Variants in MED14 observed in about 807,000 individuals in gnomAD.
The protein encoded by MED14 is mediator of RNA polymerase II transcription subunit 14.
In MED14, 8 loss-of-function variants were observed where a neutral mutation model predicts 109.0. The ratio of observed to expected loss-of-function variants is 0.07; its 90% CI spans 0.04 to 0.13. The LOEUF (loss-of-function observed/expected upper bound fraction) is 0.13. MED14 is among the 10% of genes least tolerant of loss of function. The pLI is 1.00. For synonymous variants in MED14, 399 were observed against 408.7 expected, an observed-to-expected ratio of 0.98 and a Z score of 0.29; for missense variants, 711 against 1,142.4, an observed-to-expected ratio of 0.62 and a Z score of 5.44.
intron 13 of MED14, among the ~76,000 whole-genome samples, chrX:40,694,683 T>A (rs1930662015): frequency 8.9e-6 from 1 of 111,960 alleles, no homozygotes; most frequent in Non-Finnish European, 1.9e-5. Flanking sequence ...TTAATATTTT[T>A]AAAAAATTCT....
At chrX:40,693,456 C>G (rs1412786898) in intron 13 of MED14, among the ~76,000 whole-genome samples, 1 of 111,585 alleles carries the variant, frequency 9.0e-6, no homozygotes, top group African/African-American at 3.3e-5. Flanking sequence ...CTCCCACCAT[C>G]CACGTAAGCT....
chrX:40,715,922 A>G (rs1264717008), intron 3 of MED14, among the ~76,000 whole-genome samples: 1 of 111,095 alleles, frequency 9.0e-6, no homozygotes, highest in Non-Finnish European at 1.9e-5. Context: ...ACAGAATGGG[A>G]GAAAATGTCT....
intron 3 of MED14, among the ~76,000 whole-genome samples, chrX:40,715,710 C>T (rs975576356): frequency 5.9e-5 from 6 of 102,035 alleles, no homozygotes; most frequent in Admixed American, 2.2e-4. Context: ...TGCTTGAACC[C>T]GGAAGGCGGA....
chrX:40,697,134 T>C lies in MED14; in HGVS notation c.1540A>G (p.Thr514Ala). The C allele has an allele frequency of 8.4e-7, 1 of 1,197,409 alleles. No individual in the cohort carries two copies. The highest frequency in any genetic ancestry group is 1.1e-6 in the Non-Finnish European group (1 of 882,432). The change falls in exon 13 of 31, where the codon ACG (threonine) becomes GCG (alanine). Residue 514 changes from threonine to alanine, a missense_variant. Coordinates refer to ENST00000324817, the MANE Select transcript of MED14 (RefSeq NM_004229.4). ...AGCTGCAATGTTTCACTGCTTATCG[T>C]AGGCAGATGTTTTATAGACTGCTTG... Reference protein sequence around the residue: ...RCKQSIKHLPTISSETLQLSN... With the variant: ...RCKQSIKHLPAISSETLQLSN...
intron 25 of MED14, 99 bp downstream of exon 25, chrX:40,664,208 C>T (rs1184886095): frequency 3.3e-5 from 26 of 795,947 alleles, no homozygotes; most frequent in Non-Finnish European, 4.3e-5. Flanking sequence ...AGTATCCTCT[C>T]TCAAAAAGTA....
chrX:40,726,087 T>C (rs1024472878), intron 3 of MED14, among the ~76,000 whole-genome samples: 1 of 111,896 alleles, frequency 8.9e-6, no homozygotes, highest in Non-Finnish European at 1.9e-5. Context: ...TTCTTGAACA[T>C]AGCATAAAAC....
intron 22 of MED14, among the ~76,000 whole-genome samples, chrX:40,674,947 T>G (rs1929861866): frequency 8.9e-6 from 1 of 112,644 alleles, no homozygotes; most frequent in African/African-American, 3.2e-5. Context: ...CTCTCAAAGA[T>G]CTCAGATCCT....
chrX:40,663,193 C>G, intron 25 of MED14, 33 bp from the exon 26 acceptor site: 3 of 1,008,155 alleles, frequency 3.0e-6, no homozygotes, highest in Non-Finnish European at 4.2e-6. Flanking sequence ...ATGTCATTTA[C>G]AAATACATAC....
chrX:40,726,966 AC>A (rs1931915118), intron 2 of MED14, 115 bp from the exon 3 acceptor site: 2 of 577,430 alleles, frequency 3.5e-6, no homozygotes, highest in African/African-American at 4.7e-5. Context: ...TACAACCACT[AC>A]AAAATGAGCC....
chrX:40,704,128 G>A (rs1254268367), intron 10 of MED14, among the ~76,000 whole-genome samples: 2 of 111,815 alleles, frequency 1.8e-5, no homozygotes, highest in Non-Finnish European at 3.8e-5. Context: ...TCCATTTCAA[G>A]TCACAGATGA....
At chrX:40,669,783 C>CT (rs1929651282) in intron 23 of MED14, among the ~76,000 whole-genome samples, 1 of 111,826 alleles carries the variant, frequency 8.9e-6, no homozygotes, top group Non-Finnish European at 1.9e-5. Flanking sequence ...CACAGTCTGC[C>CT]TGAGATATCC....
intron 2 of MED14, among the ~76,000 whole-genome samples, chrX:40,728,340 G>A (rs1384153415): frequency 9.0e-6 from 1 of 111,355 alleles, no homozygotes; most frequent in Non-Finnish European, 1.9e-5. Flanking sequence ...TCATACCCCA[G>A]AGCGGACAGA....
intron 1 of MED14, among the ~76,000 whole-genome samples, chrX:40,730,132 AT>A (rs1193236309): frequency 1.8e-5 from 2 of 112,198 alleles, no homozygotes; most frequent in African/African-American, 6.5e-5. Flanking sequence ...ACACCCAGCC[AT>A]TTAGATTGTC....
intron 3 of MED14, among the ~76,000 whole-genome samples, chrX:40,717,402 T>C (rs1033032058): frequency 8.9e-6 from 1 of 111,765 alleles, no homozygotes; most frequent in Non-Finnish European, 1.9e-5. Flanking sequence ...ATCCTTTCCA[T>C]CAGTTTTCTA....
intron 23 of MED14, among the ~76,000 whole-genome samples, chrX:40,667,883 T>C (rs1476228375): frequency 1.8e-5 from 2 of 111,125 alleles, no homozygotes; most frequent in African/African-American, 3.3e-5. Context: ...TGACCGAACA[T>C]GGGTATGAAA....
intron 18 of MED14, 46 bp downstream of exon 18, chrX:40,682,557 T>A (rs1220384301): frequency 2.2e-6 from 1 of 453,846 alleles, no homozygotes; most frequent in Admixed American, 7.1e-5. Context: ...GGGTGAGGGC[T>A]TTTTTTTTTT....
intron 21 of MED14, among the ~76,000 whole-genome samples, chrX:40,678,357 AG>A (rs1203968210): frequency 8.9e-6 from 1 of 111,832 alleles, no homozygotes; most frequent in Non-Finnish European, 1.9e-5. Context: ...AATTAGTGAT[AG>A]GTACTACAGA....
chrX:40,706,674 T>A (rs778530752), intron 10 of MED14, among the ~76,000 whole-genome samples: 1 of 112,181 alleles, frequency 8.9e-6, no homozygotes, highest in Non-Finnish European at 1.9e-5. Flanking sequence ...TCTTTAGAAA[T>A]CTTCAGAACC....
At chrX:40,691,854 C>T (rs977977851) in intron 15 of MED14, among the ~76,000 whole-genome samples, 2 of 109,365 alleles carry the variant, frequency 1.8e-5, no homozygotes, top group Non-Finnish European at 3.8e-5. Context: ...TCAAGTGATC[C>T]ACCCGCCTCG....
Sources: allele counts gnomAD v4.1 joint callset (sites outside exome capture counted in the v4.1 genomes callset), GRCh38; gene constraint gnomAD v4.1.1; transcripts MANE v1.5; gene names NCBI Gene and HGNC (gene_info 2026-07-23, HGNC 2026-07-21).